SLC24A4: variants seen among roughly 807,000 people sequenced by gnomAD.
SLC24A4 encodes the protein solute carrier family 24 member 4.
A neutral mutation model predicts 79.0 loss-of-function variants in SLC24A4; 53 were observed. The observed-to-expected ratio is 0.67, with a 90% CI of 0.54 to 0.84. The LOEUF (loss-of-function observed/expected upper bound fraction) is 0.84, where lower values mean the gene tolerates loss of function less well. Among genes scored for constraint, SLC24A4 ranks in the 40% least tolerant of loss-of-function variants. SLC24A4 has a pLI of 0.00. For missense variants in SLC24A4, 731 were observed against 822.0 expected, an observed-to-expected ratio of 0.89 and a Z score of 1.35; for synonymous variants, 323 against 323.8, an observed-to-expected ratio of 1.00 and a Z score of 0.03.
intron 2 of SLC24A4, among the ~76,000 whole-genome samples, chr14:92,366,654 G>A (rs1039976856): frequency 3.9e-5 from 6 of 152,132 alleles, no homozygotes; most frequent in Admixed American, 3.3e-4. Flanking sequence ...ATAAAACAAT[G>A]GGGCCAGAAC....
chr14:92,384,960 C>T (rs1224606209), intron 2 of SLC24A4, among the ~76,000 whole-genome samples: 1 of 152,178 alleles, frequency 6.6e-6, no homozygotes, highest in East Asian at 1.9e-4. Context: ...CTCTGAGCCC[C>T]CATTCCTGTA....
intron 2 of SLC24A4, among the ~76,000 whole-genome samples, chr14:92,417,457 A>T (rs1221700157): frequency 6.6e-6 from 1 of 152,256 alleles, no homozygotes; most frequent in Admixed American, 6.5e-5. Context: ...AGCTTAAAAA[A>T]TTTAAAAGTT....
intron 1 of SLC24A4, among the ~76,000 whole-genome samples, chr14:92,324,983 G>T (rs1885042581): frequency 1.3e-5 from 2 of 152,116 alleles, no homozygotes; most frequent in Non-Finnish European, 2.9e-5. Context: ...GAGGATGCAG[G>T]GTTAAAAAGT....
intron 2 of SLC24A4, among the ~76,000 whole-genome samples, chr14:92,426,360 G>A (rs1054034500): frequency 2.0e-5 from 3 of 152,134 alleles, no homozygotes; most frequent in Admixed American, 2.0e-4. Flanking sequence ...ACGGGGAGAA[G>A]TACCAGGCGC....
intron 7 of SLC24A4, 74 bp downstream of exon 7, chr14:92,443,548 G>A: frequency 6.8e-7 from 1 of 1,464,646 alleles, no homozygotes; most frequent in Non-Finnish European, 9.5e-7. Flanking sequence ...GCCCATCTCT[G>A]CCCCTGGCAC....
chr14:92,426,718 T>G (rs1046653248), intron 2 of SLC24A4, among the ~76,000 whole-genome samples: 62 of 151,144 alleles, frequency 4.1e-4, no homozygotes, highest in African/African-American at 1.5e-3. Context: ...ATGAAAGGCA[T>G]AAAATTCTTA....
intron 1 of SLC24A4, among the ~76,000 whole-genome samples, chr14:92,324,437 G>T (rs1448577342): frequency 3.3e-5 from 5 of 152,224 alleles, no homozygotes; most frequent in African/African-American, 9.6e-5. Context: ...CCCTAAAGGC[G>T]TTGGGGCAGT....
chr14:92,434,851 G>A (rs1352072352), intron 3 of SLC24A4, among the ~76,000 whole-genome samples: 1 of 152,180 alleles, frequency 6.6e-6, no homozygotes, highest in African/African-American at 2.4e-5. Flanking sequence ...TTGGCTCACT[G>A]CAACCTCTGC....
chr14:92,409,136 C>T (rs1240309216), intron 2 of SLC24A4, among the ~76,000 whole-genome samples: 1 of 152,196 alleles, frequency 6.6e-6, no homozygotes, highest in Non-Finnish European at 1.5e-5. Context: ...GAGTCAAGTT[C>T]AGTCTCCTCA....
intron 13 of SLC24A4, among the ~76,000 whole-genome samples, chr14:92,485,367 A>G (rs1895291116): frequency 6.6e-6 from 1 of 152,180 alleles, no homozygotes; most frequent in South Asian, 2.1e-4. Context: ...CAGGAGGCTG[A>G]AGTGGGAGGA....
At chr14:92,352,666 C>T (rs76922396) in intron 2 of SLC24A4, among the ~76,000 whole-genome samples, 141 of 152,306 alleles carry the variant, frequency 9.3e-4, no homozygotes, top group Middle Eastern at 3.4e-3. Context: ...AGGTGGCCCC[C>T]AGACTCATTT....
chr14:92,467,198 T>G (rs1314441204), intron 12 of SLC24A4, among the ~76,000 whole-genome samples: 1 of 152,218 alleles, frequency 6.6e-6, no homozygotes, highest in East Asian at 1.9e-4. Flanking sequence ...CTTTATAAAA[T>G]GGAGTTCACC....
At chr14:92,347,711 G>A (rs919713884) in intron 2 of SLC24A4, among the ~76,000 whole-genome samples, 1 of 152,142 alleles carries the variant, frequency 6.6e-6, no homozygotes, top group Non-Finnish European at 1.5e-5. Flanking sequence ...GGTGAATCAC[G>A]AGGTCAGGAG....
intron 6 of SLC24A4, 41 bp from the exon 7 acceptor site, chr14:92,443,359 T>C (rs1281120890): frequency 3.7e-6 from 6 of 1,608,256 alleles, no homozygotes; most frequent in Non-Finnish European, 4.3e-6. Context: ...CCCTCCCCGC[T>C]TCTGCGCTCA....
At chr14:92,463,618 A>G (rs757371293) in intron 12 of SLC24A4, among the ~76,000 whole-genome samples, 2 of 152,214 alleles carry the variant, frequency 1.3e-5, no homozygotes, top group Non-Finnish European at 2.9e-5. Flanking sequence ...ACAAATTAGA[A>G]CAAAACCTGG....
chr14:92,324,459 G>C (rs1477753232), intron 1 of SLC24A4, among the ~76,000 whole-genome samples: 1 of 152,234 alleles, frequency 6.6e-6, no homozygotes, highest in Non-Finnish European at 1.5e-5. Context: ...TGCCGCGGGG[G>C]GTAGCTGCCA....
intron 13 of SLC24A4, chr14:92,483,704 CCTT>C (rs35769213): frequency 0.28 from 360,684 of 1,285,302 alleles, 51,547 homozygotes; most frequent in Admixed American, 0.35. Context: ...TAATGGGGTC[CCTT>C]CTTCTCCTCC....
chr14:92,367,215 G>A (rs1427057498), intron 2 of SLC24A4, among the ~76,000 whole-genome samples: 5 of 152,162 alleles, frequency 3.3e-5, no homozygotes, highest in African/African-American at 9.7e-5. Context: ...CCAACATGCC[G>A]GCCTGAGCTC....
At chr14:92,387,528 C>T (rs935431605) in intron 2 of SLC24A4, among the ~76,000 whole-genome samples, 3 of 152,104 alleles carry the variant, frequency 2.0e-5, no homozygotes, top group South Asian at 2.1e-4. Context: ...GGTGACCATA[C>T]GTCATCTACT....
Sources: allele counts gnomAD v4.1 joint callset (sites outside exome capture counted in the v4.1 genomes callset), GRCh38; gene constraint gnomAD v4.1.1; transcripts MANE v1.5; gene names NCBI Gene and HGNC (gene_info 2026-07-23, HGNC 2026-07-21).